The following STK24 variants were observed in gnomAD, a reference collection of about 807,000 sequenced individuals.
STK24 encodes serine/threonine-protein kinase 24.
STK24 carries 21 observed loss-of-function variants against 55.6 expected under a neutral mutation model. The ratio of observed to expected loss-of-function variants is 0.38; its 90% CI spans 0.27 to 0.54. The LOEUF is 0.54. STK24 is among the 20% of genes least tolerant of loss of function. STK24 has a pLI of 0.79. For missense variants in STK24, 383 were observed against 538.4 expected (o/e 0.71, Z 2.86); for synonymous variants, 200 against 215.2 (o/e 0.93, Z 0.62).
chr13:98,553,828 A>C (rs1370816046), intron 1 of STK24: 4 of 152,192 alleles, frequency 2.6e-5, no homozygotes, highest in Non-Finnish European at 5.9e-5. Context: ...TTAGGAGGCC[A>C]AAGTGGGGGG....
At chr13:98,567,375 G>A (rs74900127) in intron 1 of STK24, among the ~76,000 whole-genome samples, 3,923 of 152,224 alleles carry the variant, frequency 0.026, 72 homozygotes, top group South Asian at 0.082. Context: ...TGCCACCTCC[G>A]CCCTGCCAAG....
At chr13:98,505,594 G>C (rs1298566050) in intron 2 of STK24, among the ~76,000 whole-genome samples, 1 of 152,152 alleles carries the variant, frequency 6.6e-6, no homozygotes, top group South Asian at 2.1e-4. Flanking sequence ...CTCATACCAA[G>C]CCAACCAAAA....
At chr13:98,519,803 TAC>T (rs1157577319) in intron 1 of STK24, among the ~76,000 whole-genome samples, 2 of 152,362 alleles carry the variant, frequency 1.3e-5, no homozygotes, top group Admixed American at 1.3e-4. Context: ...AATGTTAGGA[TAC>T]ACAGACTTAT....
intron 1 of STK24, among the ~76,000 whole-genome samples, chr13:98,571,512 A>C (rs1897739265): frequency 1.3e-5 from 2 of 152,172 alleles, no homozygotes. Context: ...ACTCCTCCAA[A>C]AGTTTGGGTT....
Position 98,577,092 on chromosome 13 carries a change from C to G in STK24, c.-306G>C. The G allele has an allele frequency of 6.8e-6, 1 of 146,004 alleles. No homozygotes were observed. The highest frequency in any genetic ancestry group is 1.5e-5 in the Non-Finnish European group (1 of 65,570). 9.0% of individuals were successfully genotyped at this position (146,004 alleles called of 1,614,324 possible). A position where few individuals can be genotyped will look rare whatever the true frequency, so the allele number is the denominator to read the frequency against. ...GGCGGCCTGGGCCCGCGCGCGCTGG[C>G]CGCTGGAGCCGGAGTGGGCGCGCAC... On this transcript the variant is annotated 5_prime_UTR_variant, in exon 1 of 11. Transcript: ENST00000539966. This position sits in a 1 kb window ranked among gnomAD's most constrained non-coding sequence, Gnocchi z 4.1.
chr13:98,496,300 C>T (rs1895250111), intron 2 of STK24, among the ~76,000 whole-genome samples: 1 of 152,158 alleles, frequency 6.6e-6, no homozygotes, highest in African/African-American at 2.4e-5. Flanking sequence ...GGGAGAATTG[C>T]CACAATCCAA....
At chr13:98,469,346 C>T (rs1194841693) in intron 5 of STK24, among the ~76,000 whole-genome samples, 2 of 152,142 alleles carry the variant, frequency 1.3e-5, no homozygotes, top group African/African-American at 2.4e-5. Flanking sequence ...GCCAGGAGTT[C>T]GAGACCAGCC....
At chr13:98,469,698 C>T (rs1230217350) in intron 5 of STK24, among the ~76,000 whole-genome samples, 2 of 152,040 alleles carry the variant, frequency 1.3e-5, no homozygotes, top group Admixed American at 1.3e-4. Flanking sequence ...ACCCTGCGTC[C>T]CCTCTACCCC....
Position 98,448,442 on chromosome 13 carries a change from C to A in STK24, c.*4731G>T, listed in dbSNP as rs1311096371. 23 of 785,486 alleles carry A rather than the reference C, an allele frequency of 2.9e-5. No homozygotes were observed. The highest frequency in any genetic ancestry group is 2.6e-4 in the African/African-American group (15 of 58,412). The allele number at this position is 785,486 out of a possible 1,614,324, so 48.7% of individuals were successfully genotyped here. ...TCAAAAACATGGCTTCCCAGCAGCT[C>A]TCCTGTCTCCACAGCCGCGTTTTTT... is the stretch of plus-strand genomic sequence containing the variant. On this transcript the variant is annotated 3_prime_UTR_variant, in exon 11 of 11. Transcript: ENST00000539966.
intron 2 of STK24, among the ~76,000 whole-genome samples, chr13:98,510,155 G>A (rs1895834043): frequency 6.6e-6 from 1 of 152,198 alleles, no homozygotes; most frequent in Admixed American, 6.5e-5. Flanking sequence ...AACAAGGTTG[G>A]ACTCCCAGCA....
rs1256322557 is a variant in STK24, at chr13:98,530,784, C to T, written c.43-11311G>A. 2.0e-5 allele frequency among the ~76,000 whole-genome samples: 3 copies of T among 152,180 alleles called. No individual in the cohort carries two copies. The East Asian group carries it at 5.8e-4, about 29-fold the overall frequency. On this transcript the variant is annotated intron_variant, in intron 1 of 10. Coordinates refer to ENST00000539966, the MANE Select transcript of STK24 (RefSeq NM_001032296.4). ...CGGCAACGTGGTGAACTGCCACCAC[C>T]TTCACCAGAGTTGGCATAGAATCTT...
chr13:98,575,760 A>G (rs1897873888), intron 1 of STK24, among the ~76,000 whole-genome samples: 2 of 152,148 alleles, frequency 1.3e-5, no homozygotes, highest in Non-Finnish European at 2.9e-5. Flanking sequence ...AACTTTCATG[A>G]CATATCCTAA....
rs756663362 is a variant in STK24 at position 98,446,825 on chromosome 13, C to A, written c.*6348G>T. 23 of 1,613,854 alleles carry A rather than the reference C, an allele frequency of 1.4e-5. No homozygotes were observed. In the South Asian group the frequency reaches 2.0e-4, roughly 14 times the overall value. On this transcript the variant is annotated 3_prime_UTR_variant, in exon 11 of 11. Transcript: ENST00000539966. ...CGAGTACACGTTCGAAAGGTAGACA[C>A]CCCCTTCCCACGCACAGGGCCCTGC...
chr13:98,493,607 G>A (rs1274835947), intron 2 of STK24, among the ~76,000 whole-genome samples: 3 of 152,070 alleles, frequency 2.0e-5, no homozygotes, highest in East Asian at 1.9e-4. Flanking sequence ...AGTAACACGT[G>A]TTCTTTCTGC....
chr13:98,492,076 C>CGCGT (rs1555305193), intron 2 of STK24, among the ~76,000 whole-genome samples: 16 of 149,522 alleles, frequency 1.1e-4, no homozygotes, highest in Non-Finnish European at 2.1e-4. Context: ...AGTGCGTGCG[C>CGCGT]GTGTGTGTGT....
rs1300994091 is a variant in STK24 at position 98,448,091 on chromosome 13, G to A, written c.*5082C>T. On this transcript the variant is annotated 3_prime_UTR_variant, in exon 11 of 11. Transcript: ENST00000539966. Reference sequence around the variant, plus strand: ...TGTACCTCAGGAACGCCTGGGTGCTGGCTGTTCCCTTGCTCTTCTGCTGAA... The same window carrying A: ...TGTACCTCAGGAACGCCTGGGTGCTAGCTGTTCCCTTGCTCTTCTGCTGAA... 1 of 692,548 alleles carries A rather than the reference G, an allele frequency of 1.4e-6. No individual in the cohort carries two copies. Among genetic ancestry groups the A allele is most frequent in the Non-Finnish European group, 2.6e-6 (1 of 381,968 alleles). The allele number at this position is 692,548 out of a possible 1,614,324, so 42.9% of individuals were successfully genotyped here. A position where few individuals can be genotyped will look rare whatever the true frequency, so the allele number is the denominator to read the frequency against.
intron 9 of STK24, among the ~76,000 whole-genome samples, chr13:98,459,397 G>C (rs909468348): frequency 6.6e-6 from 1 of 152,216 alleles, no homozygotes; most frequent in African/African-American, 2.4e-5. Flanking sequence ...CCACAGCCCT[G>C]CTCCCACCGG....
intron 1 of STK24, among the ~76,000 whole-genome samples, chr13:98,525,671 C>T (rs1296854489): frequency 1.3e-5 from 2 of 152,206 alleles, no homozygotes; most frequent in East Asian, 1.9e-4. Context: ...GGAGTGACTT[C>T]CCCTTCCCGA....
chr13:98,513,380 C>T (rs1004971325), intron 2 of STK24, among the ~76,000 whole-genome samples: 8 of 152,214 alleles, frequency 5.3e-5, no homozygotes, highest in Non-Finnish European at 1.5e-5. Context: ...TGTGGACATT[C>T]GGGCTGGGTG....
Sources: gnomAD v4.1 joint callset for allele counts (sites outside exome capture counted in the v4.1 genomes callset) on GRCh38, gnomAD v4.1.1 for gene constraint, Gnocchi (gnomAD v3.1) non-coding constraint, MANE v1.5 for transcripts, NCBI Gene and HGNC (gene_info 2026-07-23, HGNC 2026-07-21) for gene names.